Variants in DYNC1H1 observed in about 807,000 individuals in gnomAD.
DYNC1H1 encodes cytoplasmic dynein 1 heavy chain 1.
DYNC1H1 carries 51 observed loss-of-function variants against 527.1 expected under a neutral mutation model. The observed-to-expected ratio is 0.10, with a 90% CI of 0.08 to 0.12. The LOEUF is 0.12. DYNC1H1 is among the 10% of genes least tolerant of loss of function. The pLI, the probability that DYNC1H1 is intolerant of heterozygous loss-of-function variation, is 1.00. For missense variants in DYNC1H1, 2,771 were observed against 5,971.8 expected, an observed-to-expected ratio of 0.46 and a Z score of 17.66; for synonymous variants, 2,189 against 2,278.8, an observed-to-expected ratio of 0.96 and a Z score of 1.12.
In DYNC1H1 at chr14:102,005,782, TA is replaced by T. The variant is rs909687831; in HGVS notation, c.5434-104del. The T allele has an allele frequency of 2.4e-5, 34 of 1,415,432 alleles. No homozygotes were observed. Among genetic ancestry groups the T allele is most frequent in the Non-Finnish European group, 3.3e-5 (33 of 1,005,752 alleles). 87.7% of individuals were successfully genotyped at this position (1,415,432 alleles called of 1,614,324 possible). The stretch of plus-strand genomic sequence containing the variant: ...TTGGAACATTTACTGAAAGCCATTG[TA>T]ACTGGACCTAGAACCTCAATTTCAG... On this transcript the variant is annotated intron_variant, in intron 26 of 77. Coordinates refer to ENST00000360184, the MANE Select transcript of DYNC1H1 (RefSeq NM_001376.5). The surrounding 1 kb of genome is among the most constrained non-coding windows in gnomAD (Gnocchi z 4.0).
Position 102,022,027 on chromosome 14 carries a change from TG to T in DYNC1H1, c.8508-723del, listed in dbSNP as rs577131406. ...AGCATATGCCTGTAATCCCAGCTAC[TG>T]AGGAGGCTGAGGCAGGAGAATCGCT... On this transcript the variant is annotated intron_variant, in intron 42 of 77. Coordinates refer to ENST00000360184, the MANE Select transcript of DYNC1H1 (RefSeq NM_001376.5). Among the ~76,000 whole-genome samples, 230 of 152,128 alleles carry T rather than the reference TG, an allele frequency of 1.5e-3. 1 individual carries two copies. The highest frequency in any genetic ancestry group is 5.2e-3 in the African/African-American group (217 of 41,516).
At chr14:102,022,713 C>T in intron 42 of DYNC1H1, 38 bp from the exon 43 acceptor site, 1 of 1,613,734 alleles carries the variant, frequency 6.2e-7, no homozygotes, top group Non-Finnish European at 8.5e-7. Flanking sequence ...TCACCGTGCC[C>T]TCTAGTTACC....
chr14:102,033,969 C>G lies in DYNC1H1; in HGVS notation c.10414-7C>G. On this transcript the variant is annotated splice_polypyrimidine_tract_variant and splice_region_variant and intron_variant, in intron 54 of 77. Coordinates refer to ENST00000360184, the MANE Select transcript of DYNC1H1 (RefSeq NM_001376.5). The surrounding 1 kb of genome is among the most constrained non-coding windows in gnomAD (Gnocchi z 5.6). ...TCCCTGAGCATCTTGTTCGGTTTTC[C>G]TTTTAGGTAAACCGGAGCACTGCTC... 2 of 1,613,764 alleles carry G rather than the reference C, an allele frequency of 1.2e-6. No individual in the cohort carries two copies. Among genetic ancestry groups the G allele is most frequent in the South Asian group, 1.1e-5 (1 of 91,022 alleles).
chr14:102,013,235 A>G (rs1285611772), intron 34 of DYNC1H1, among the ~76,000 whole-genome samples: 1 of 133,484 alleles, frequency 7.5e-6, no homozygotes. Context: ...GGCGACAGAG[A>G]GAGACTCCGT....
chr14:101,980,062 A>G, intron 4 of DYNC1H1, 88 bp downstream of exon 4: 1 of 1,590,594 alleles, frequency 6.3e-7, no homozygotes, highest in Non-Finnish European at 8.6e-7. Flanking sequence ...AGTGAGGTAA[A>G]TTATGTGATA....
Position 102,005,343 on chromosome 14 carries a change from G to C in DYNC1H1, c.5433+107G>C. 7.0e-7 allele frequency: 1 copy of C among 1,437,396 alleles called. No homozygotes were observed. 89.0% of individuals were successfully genotyped at this position (1,437,396 alleles called of 1,614,324 possible). ...AAAAGGTTTCAGGTAGTATCAAGGA[G>C]AACAGTGGATGGTGTATGGATATCC... is the stretch of plus-strand genomic sequence containing the variant. On this transcript the variant is annotated intron_variant, in intron 26 of 77. Coordinates refer to ENST00000360184, the MANE Select transcript of DYNC1H1 (RefSeq NM_001376.5). This position sits in a 1 kb window ranked among gnomAD's most constrained non-coding sequence, Gnocchi z 4.0.
At chr14:102,022,669 C>T in intron 42 of DYNC1H1, 82 bp from the exon 43 acceptor site, 1 of 1,598,772 alleles carries the variant, frequency 6.3e-7, no homozygotes, top group Non-Finnish European at 8.6e-7. Flanking sequence ...GAAGAGCCCA[C>T]AGCACCCACA....
intron 43 of DYNC1H1, among the ~76,000 whole-genome samples, chr14:102,024,076 C>T (rs935754563): frequency 2.0e-5 from 3 of 152,098 alleles, no homozygotes; most frequent in South Asian, 2.1e-4. Context: ...GTGTGAGGGT[C>T]GAGCCATTGG....
rs1324576458 is a variant in DYNC1H1 at position 102,005,918 on chromosome 14, A to T, written c.5464A>T (p.Thr1822Ser). The T allele has an allele frequency of 1.2e-6, 2 of 1,614,282 alleles. No individual in the cohort carries two copies. Among genetic ancestry groups the T allele is most frequent in the South Asian group, 1.1e-5 (1 of 91,088 alleles). Reference sequence around the variant, plus strand: ...AGAGTTGGTTCACCAGAGAGATGTTACAAGGTCCTTGATCAAAAGCAAGAT... The same window carrying T: ...AGAGTTGGTTCACCAGAGAGATGTTTCAAGGTCCTTGATCAAAAGCAAGAT... ...ITELVHQRDV[T>S]RSLIKSKIDN... The change falls in exon 27 of 78, where the codon ACA (threonine) becomes TCA (serine). Residue 1822 changes from threonine (T) to serine (S), a missense_variant. Physicochemically the swap from Thr to Ser is moderately conservative, Grantham distance 58 (BLOSUM62 1). Transcript: ENST00000360184. The surrounding 1 kb of genome is among the most constrained non-coding windows in gnomAD (Gnocchi z 4.0).
Position 101,965,086 on chromosome 14 carries a change from G to C in DYNC1H1, c.256+139G>C. ...GATGACCCCTGGATGGGCAGAGCCC[G>C]GCGGCCGCAGACGTCCCGCCGGCCG... On this transcript the variant is annotated intron_variant, in intron 1 of 77. Coordinates refer to ENST00000360184, the MANE Select transcript of DYNC1H1 (RefSeq NM_001376.5). The surrounding 1 kb of genome is among the most constrained non-coding windows in gnomAD (Gnocchi z 4.1). 1.1e-6 allele frequency: 1 copy of C among 943,950 alleles called. No homozygotes were observed. 58.5% of individuals were successfully genotyped at this position (943,950 alleles called of 1,614,324 possible). A position where few individuals can be genotyped will look rare whatever the true frequency, so the allele number is the denominator to read the frequency against.
intron 56 of DYNC1H1, chr14:102,034,922 T>C: frequency 1.1e-5 from 2 of 177,268 alleles, no homozygotes; most frequent in South Asian, 7.7e-5. Context: ...TGAGAATCCA[T>C]CTCAAAAAAA....
rs972765939 is a variant in DYNC1H1, at chr14:102,018,133, G to A, written c.8178-318G>A. The A allele has an allele frequency of 9.7e-6, 3 of 310,616 alleles. No homozygotes were observed. The highest frequency in any genetic ancestry group is 4.5e-5 in the South Asian group (1 of 22,468). The allele number at this position is 310,616 out of a possible 1,614,324, so 19.2% of individuals were successfully genotyped here. ...AATAAATAAATAAATAAAATAAAAT[G>A]AAATAAAAGCATTGATCTCTTGGTA... On this transcript the variant is annotated intron_variant, in intron 40 of 77. Coordinates refer to ENST00000360184, the MANE Select transcript of DYNC1H1 (RefSeq NM_001376.5). The surrounding 1 kb of genome is among the most constrained non-coding windows in gnomAD (Gnocchi z 5.2).
chr14:102,016,553 C>T lies in DYNC1H1; in HGVS notation c.7614+64C>T. On this transcript the variant is annotated intron_variant, in intron 37 of 77. Transcript: ENST00000360184. The surrounding 1 kb of genome is among the most constrained non-coding windows in gnomAD (Gnocchi z 7.3). The stretch of plus-strand genomic sequence containing the variant: ...CTTGTTGATTTAACTCATCCTGGAA[C>T]AAGCTGACCATGGACCTTGGCTTCG... The T allele has an allele frequency of 6.2e-7, 1 of 1,613,480 alleles. No individual in the cohort carries two copies. Among genetic ancestry groups the T allele is most frequent in the African/African-American group, 1.3e-5 (1 of 75,056 alleles).
At position 102,002,363 on chromosome 14, in the gene DYNC1H1, G is replaced by A. The variant is rs539350051; in HGVS notation, c.4543-174G>A. On this transcript the variant is annotated intron_variant, in intron 21 of 77. Transcript: ENST00000360184. The surrounding 1 kb of genome is among the most constrained non-coding windows in gnomAD (Gnocchi z 4.4). ...TGACTTCAAGTGATCCACCCGCCTC[G>A]GCCTCCCAAAATGCTGGGATTACAG... Among the ~76,000 whole-genome samples, 13 of 152,008 alleles carry A rather than the reference G, an allele frequency of 8.6e-5. No homozygotes were observed. The highest frequency in any genetic ancestry group is 1.5e-4 in the Non-Finnish European group (10 of 68,018).
At chr14:102,025,565 GAAAA>G (rs3067914) in intron 43 of DYNC1H1, among the ~76,000 whole-genome samples, 4 of 102,334 alleles carry the variant, frequency 3.9e-5, no homozygotes, top group Admixed American at 1.1e-4. Context: ...CTGTCTCAAG[GAAAA>G]AAAAAAAAAA....
chr14:102,049,012 C>T lies in DYNC1H1; in HGVS notation c.13372+343C>T, dbSNP rs922857123. On this transcript the variant is annotated intron_variant, in intron 74 of 77. Transcript: ENST00000360184. The surrounding 1 kb of genome is among the most constrained non-coding windows in gnomAD (Gnocchi z 5.5). ...TTACGGCCTGTGAAGAATGGGTGTC[C>T]CCCAGGACAGTGGAAAAGCAGGGGC... 2.3e-6 allele frequency: 1 copy of T among 433,486 alleles called. No individual in the cohort carries two copies. The allele number at this position is 433,486 out of a possible 1,614,324, so 26.9% of individuals were successfully genotyped here.
chr14:102,044,177 C>A lies in DYNC1H1; in HGVS notation c.12685-97C>A. The stretch of plus-strand genomic sequence containing the variant: ...CTCGTGACCGCCAAAGCCTAGCTGG[C>A]CATGGGGAGTGAGGAGGAAAGCTGT... On this transcript the variant is annotated intron_variant, in intron 70 of 77. Coordinates refer to ENST00000360184, the MANE Select transcript of DYNC1H1 (RefSeq NM_001376.5). The surrounding 1 kb of genome is among the most constrained non-coding windows in gnomAD (Gnocchi z 7.1). 1 of 1,583,900 alleles carries A rather than the reference C, an allele frequency of 6.3e-7. No homozygotes were observed.
At position 102,008,173 on chromosome 14, in the gene DYNC1H1, T is replaced by C; in HGVS notation, c.5818-5T>C. 6.2e-7 allele frequency: 1 copy of C among 1,614,030 alleles called. No homozygotes were observed. The highest frequency in any genetic ancestry group is 2.2e-5 in the East Asian group (1 of 44,882). On this transcript the variant is annotated splice_region_variant and splice_polypyrimidine_tract_variant and intron_variant, in intron 28 of 77. Transcript: ENST00000360184. ...TTTTAGCGCCTTTCTTCCTCTCCTT[T>C]CCAGGCAATGGGCCGGATCTTTGTG...
At chr14:102,045,318 A>AT (rs2048703136) in intron 72 of DYNC1H1, 1 of 153,902 alleles carries the variant, frequency 6.5e-6, no homozygotes, top group South Asian at 2.0e-4. Context: ...AAAAAAAAAA[A>AT]GCCGGGCGCA....
Sources: allele counts gnomAD v4.1 joint callset (sites outside exome capture counted in the v4.1 genomes callset), GRCh38; gene constraint gnomAD v4.1.1; non-coding constraint Gnocchi (gnomAD v3.1); transcripts MANE v1.5; gene names NCBI Gene and HGNC (gene_info 2026-07-23, HGNC 2026-07-21).